The following ADORA1 variants were observed in gnomAD, a reference collection of about 807,000 sequenced individuals.
ADORA1 encodes adenosine receptor A1.
A neutral mutation model predicts 19.9 loss-of-function variants in ADORA1; 6 were observed. The ratio of observed to expected loss-of-function variants is 0.30; its 90% confidence interval spans 0.17 to 0.59. The LOEUF is 0.59. Among genes scored for constraint, ADORA1 ranks in the 20% least tolerant of loss-of-function variants. The probability of loss-of-function intolerance (pLI) is 0.87; values close to 1 mark genes in which losing one functional copy is unlikely to be tolerated. For missense variants in ADORA1, 302 were observed against 439.2 expected (o/e 0.69, Z 2.79); for synonymous variants, 194 against 188.4 (o/e 1.03, Z -0.24).
At chr1:203,140,253 G>A (rs879782086) in intron 3 of ADORA1, among the ~76,000 whole-genome samples, 3 of 152,158 alleles carry the variant, frequency 2.0e-5, no homozygotes, top group Admixed American at 6.5e-5. Context: ...AGCAGCAGGC[G>A]GGGCTTGAGG....
chr1:203,137,962 G>A (rs984919974), intron 3 of ADORA1, among the ~76,000 whole-genome samples: 7 of 152,158 alleles, frequency 4.6e-5, no homozygotes, highest in Non-Finnish European at 7.3e-5. Context: ...ATTCATCCCT[G>A]TTACTGAATG....
chr1:203,140,252 C>T (rs905074991), intron 3 of ADORA1, among the ~76,000 whole-genome samples: 1 of 151,880 alleles, frequency 6.6e-6, no homozygotes, highest in African/African-American at 2.4e-5. Flanking sequence ...GAGCAGCAGG[C>T]GGGGCTTGAG....
intron 3 of ADORA1, chr1:203,150,858 C>A: frequency 8.0e-7 from 1 of 1,253,418 alleles, no homozygotes. Context: ...GGGCTAGGTG[C>A]TGTGAGCTTT....
rs1479841592 is a variant in ADORA1, at chr1:203,166,231, G to A, written c.*331G>A. On this transcript the variant is annotated 3_prime_UTR_variant, in exon 4 of 4. Transcript: ENST00000337894. ...GCTGGGCAGGTCCTGGGGAGGCTGA[G>A]ACTGCAGAGGAGCCACCTGGGCTGG... 1 of 239,330 alleles carries A rather than the reference G, an allele frequency of 4.2e-6. No homozygotes were observed. The highest frequency in any genetic ancestry group is 8.0e-6 in the Non-Finnish European group (1 of 125,280). The allele number at this position is 239,330 out of a possible 1,614,324, so 14.8% of individuals were successfully genotyped here.
Position 203,134,894 on chromosome 1 carries a change from T to C in ADORA1, c.341+5712T>C, listed in dbSNP as rs567296899. ...TTTATTCACTTAACATTATAAGCATTTCCCTGTGTCAACTAAAATGATTTT... is the reference window on the plus strand; with the variant it reads ...TTTATTCACTTAACATTATAAGCATCTCCCTGTGTCAACTAAAATGATTTT... On this transcript the variant is annotated intron_variant, in intron 3 of 3. Coordinates refer to ENST00000337894, the MANE Select transcript of ADORA1 (RefSeq NM_000674.3). Among the ~76,000 whole-genome samples the C allele has an allele frequency of 1.0e-3, 158 of 152,364 alleles. 1 individual carries two copies. Among genetic ancestry groups the C allele is most frequent in the African/African-American group, 3.6e-3 (150 of 41,576 alleles).
chr1:203,132,507 A>G (rs1280963697), intron 3 of ADORA1, among the ~76,000 whole-genome samples: 1 of 152,198 alleles, frequency 6.6e-6, no homozygotes, highest in African/African-American at 2.4e-5. Flanking sequence ...TTGATAAGTT[A>G]TTCAGCCTCT....
At chr1:203,136,068 C>T (rs1050572927) in intron 3 of ADORA1, among the ~76,000 whole-genome samples, 1 of 152,098 alleles carries the variant, frequency 6.6e-6, no homozygotes, top group Non-Finnish European at 1.5e-5. Context: ...CCTCATTCGG[C>T]AGGTGGGGAC....
At chr1:203,143,863 G>A (rs529804382) in intron 3 of ADORA1, among the ~76,000 whole-genome samples, 164 of 152,300 alleles carry the variant, frequency 1.1e-3, no homozygotes, top group African/African-American at 3.4e-3. Flanking sequence ...AGACAGACAC[G>A]TTTCCAACGG....
intron 3 of ADORA1, among the ~76,000 whole-genome samples, chr1:203,163,710 A>G (rs1315750316): frequency 6.6e-6 from 1 of 152,136 alleles, no homozygotes; most frequent in Non-Finnish European, 1.5e-5. Flanking sequence ...CCCACTGGGC[A>G]AATTGTCTCC....
At chr1:203,135,427 G>A (rs1409044350) in intron 3 of ADORA1, among the ~76,000 whole-genome samples, 2 of 152,168 alleles carry the variant, frequency 1.3e-5, no homozygotes, top group East Asian at 3.8e-4. Flanking sequence ...GGGAGCCCGA[G>A]GCAGGCAGAT....
rs190965331 is a variant in ADORA1 at position 203,149,305 on chromosome 1, G to A, written c.342-15956G>A. Among the ~76,000 whole-genome samples, 258 of 152,334 alleles carry A rather than the reference G, an allele frequency of 1.7e-3. 2 individuals are homozygous for A. The highest frequency in any genetic ancestry group is 1.9e-3 in the Non-Finnish European group (128 of 68,024). On this transcript the variant is annotated intron_variant, in intron 3 of 3. Transcript: ENST00000337894. ...CACATCATGAGTTTCCCCCATCCAG[G>A]GTTGTGGCAGAGCGGAGTGATTTAT...
intron 3 of ADORA1, among the ~76,000 whole-genome samples, chr1:203,139,705 C>T (rs758470460): frequency 6.6e-6 from 1 of 152,194 alleles, no homozygotes; most frequent in African/African-American, 2.4e-5. Context: ...GAAGGGGGCT[C>T]GGGTCTCTGC....
chr1:203,129,838 T>C (rs1438240698), intron 3 of ADORA1: 1 of 152,506 alleles, frequency 6.6e-6, no homozygotes, highest in African/African-American at 2.4e-5. Flanking sequence ...ACTTCTCATA[T>C]TGCTGTTCTG....
chr1:203,133,687 TCCACC>T (rs1396802274), intron 3 of ADORA1, among the ~76,000 whole-genome samples: 4 of 152,192 alleles, frequency 2.6e-5, no homozygotes, highest in African/African-American at 9.6e-5. Flanking sequence ...CATCTTCCCC[TCCACC>T]TTCACTCCAG....
At chr1:203,133,025 A>C (rs1654390789) in intron 3 of ADORA1, among the ~76,000 whole-genome samples, 1 of 152,088 alleles carries the variant, frequency 6.6e-6, no homozygotes, top group Non-Finnish European at 1.5e-5. Context: ...GTATGCTAGG[A>C]ACAATGCTAT....
Position 203,166,176 on chromosome 1 carries a change from A to G in ADORA1, c.*276A>G. 1 of 355,652 alleles carries G rather than the reference A, an allele frequency of 2.8e-6. No individual in the cohort carries two copies. 22.0% of individuals were successfully genotyped at this position (355,652 alleles called of 1,614,324 possible). On this transcript the variant is annotated 3_prime_UTR_variant, in exon 4 of 4. Transcript: ENST00000337894. Reference sequence around the variant, plus strand: ...AGTGTTCTGAGCCCCCACCTGCCTGACCATCCCATGAGCAGTCCAGAGCTT... The same window carrying G: ...AGTGTTCTGAGCCCCCACCTGCCTGGCCATCCCATGAGCAGTCCAGAGCTT...
At chr1:203,150,504 A>G in intron 3 of ADORA1, 1 of 796,022 alleles carries the variant, frequency 1.3e-6, no homozygotes, top group South Asian at 1.7e-5. Flanking sequence ...AGATACCAGG[A>G]GGGTCAATGG....
chr1:203,155,019 A>ATTT (rs1056571676), intron 3 of ADORA1, among the ~76,000 whole-genome samples: 12 of 48,202 alleles, frequency 2.5e-4, no homozygotes, highest in South Asian at 2.1e-3. Context: ...CTTCCTATTT[A>ATTT]TTATTATTAT....
At chr1:203,149,181 AT>A (rs1415642827) in intron 3 of ADORA1, among the ~76,000 whole-genome samples, 1 of 151,934 alleles carries the variant, frequency 6.6e-6, no homozygotes, top group East Asian at 1.9e-4. Context: ...CCAGGCCTGC[AT>A]TTTCTTTTTC....
Sources: allele counts gnomAD v4.1 joint callset (sites outside exome capture counted in the v4.1 genomes callset), GRCh38; gene constraint gnomAD v4.1.1; transcripts MANE v1.5; gene names NCBI Gene and HGNC (gene_info 2026-07-23, HGNC 2026-07-21).